RTL4: variants seen among roughly 807,000 people sequenced by gnomAD.
RTL4 encodes retrotransposon Gag like 4, also known as retrotransposon Gag-like protein 4.
RTL4 carries 4 observed loss-of-function variants against 5.3 expected under a neutral mutation model. The ratio of observed to expected loss-of-function variants is 0.75; its 90% confidence interval spans 0.37 to 1.72. The LOEUF is 1.72. RTL4 is among the 40% of genes most tolerant of loss of function. RTL4 has a pLI of 0.04. For synonymous variants in RTL4, 98 were observed against 87.3 expected, an observed-to-expected ratio of 1.12 and a Z score of -0.68; for missense variants, 260 against 227.1, an observed-to-expected ratio of 1.14 and a Z score of -0.93.
chrX:112,093,610 A>T, the RTL4 span, among the ~76,000 whole-genome samples: 1 of 112,015 alleles, frequency 8.9e-6, no homozygotes, highest in Non-Finnish European at 1.9e-5. Flanking sequence ...GCTATCATAG[A>T]CCTTATAATC....
At chrX:112,141,498 G>A in the RTL4 span, among the ~76,000 whole-genome samples, 5 of 111,903 alleles carry the variant, frequency 4.5e-5, no homozygotes, top group Non-Finnish European at 7.5e-5. Flanking sequence ...TCACTATTAA[G>A]TATGATGGTA....
chrX:112,436,756 C>T, the RTL4 span, among the ~76,000 whole-genome samples: 2 of 110,733 alleles, frequency 1.8e-5, no homozygotes, highest in Non-Finnish European at 3.8e-5. Context: ...AACCCAAAGC[C>T]TGTTGTTCAC....
At chrX:112,221,222 T>C in the RTL4 span, among the ~76,000 whole-genome samples, 2 of 111,440 alleles carry the variant, frequency 1.8e-5, no homozygotes, top group African/African-American at 6.5e-5. Context: ...GAAAATTACC[T>C]TATAAAACCA....
the RTL4 span, among the ~76,000 whole-genome samples, chrX:112,243,644 C>T: frequency 1.8e-5 from 2 of 111,436 alleles, no homozygotes; most frequent in East Asian, 2.8e-4. Flanking sequence ...TTTCAAAAAA[C>T]CAGCTCCTGG....
chrX:112,117,637 T>C, the RTL4 span, among the ~76,000 whole-genome samples: 18,673 of 110,755 alleles, frequency 0.17, 2,443 homozygotes, highest in African/African-American at 0.44. Context: ...GATAAATGTA[T>C]TTTTTTAAAA....
At chrX:112,448,002 A>C in the RTL4 span, among the ~76,000 whole-genome samples, 1 of 111,724 alleles carries the variant, frequency 9.0e-6, no homozygotes, top group East Asian at 2.8e-4. Flanking sequence ...CACCTTGACC[A>C]GGGGCACAGA....
the RTL4 span, among the ~76,000 whole-genome samples, chrX:112,087,455 CAACTGCAGATCATGTTT>C: frequency 9.1e-6 from 1 of 110,050 alleles, no homozygotes; most frequent in Non-Finnish European, 1.9e-5. Context: ...AAAATCACCC[CAACTGCAGATCATGTTT>C]TATAAAATCT....
the RTL4 span, among the ~76,000 whole-genome samples, chrX:112,230,513 C>A: frequency 8.9e-6 from 1 of 112,238 alleles, no homozygotes; most frequent in Non-Finnish European, 1.9e-5. Context: ...TCGGCTCATG[C>A]ACGGTGCACT....
the RTL4 span, among the ~76,000 whole-genome samples, chrX:112,427,027 A>G: frequency 9.0e-6 from 1 of 111,557 alleles, no homozygotes; most frequent in Non-Finnish European, 1.9e-5. Flanking sequence ...AAGAAATTAT[A>G]CCAATTCTCT....
At chrX:112,430,888 C>A in the RTL4 span, among the ~76,000 whole-genome samples, 1 of 112,324 alleles carries the variant, frequency 8.9e-6, no homozygotes, top group Admixed American at 9.4e-5. Flanking sequence ...CCACCATGCC[C>A]ATATCTTTTA....
the RTL4 span, among the ~76,000 whole-genome samples, chrX:112,148,149 C>T: frequency 9.1e-6 from 1 of 110,172 alleles, no homozygotes; most frequent in Non-Finnish European, 1.9e-5. Flanking sequence ...TGACAGATAT[C>T]ACAGGATCTT....
the RTL4 span, among the ~76,000 whole-genome samples, chrX:112,410,673 T>G: frequency 6.3e-5 from 7 of 111,461 alleles, no homozygotes; most frequent in African/African-American, 1.6e-4. Flanking sequence ...ATTTAAAAAT[T>G]TATTGAAACA....
At chrX:112,122,844 T>G in the RTL4 span, among the ~76,000 whole-genome samples, 1 of 111,766 alleles carries the variant, frequency 8.9e-6, no homozygotes, top group Non-Finnish European at 1.9e-5. Flanking sequence ...GTATGACACC[T>G]TATTTTCTAG....
chrX:112,455,035 C>T, exon 1 of RTL4: 2 of 1,211,608 alleles, frequency 1.7e-6, no homozygotes, highest in Non-Finnish European at 2.2e-6. Flanking sequence ...TTTTGATTAC[C>T]TATCTCAGCA....
chrX:112,233,526 A>G, the RTL4 span, among the ~76,000 whole-genome samples: 1 of 111,400 alleles, frequency 9.0e-6, no homozygotes, highest in Non-Finnish European at 1.9e-5. Flanking sequence ...TGTTACTGAA[A>G]AAAGAGCAGC....
chrX:112,382,353 A>G, the RTL4 span: 2 of 447,897 alleles, frequency 4.5e-6, no homozygotes, highest in Non-Finnish European at 7.6e-6. Context: ...GTTGGAGTGA[A>G]GGATTAGATG....
the RTL4 span, among the ~76,000 whole-genome samples, chrX:112,186,938 CAGT>C: frequency 1.8e-5 from 2 of 111,891 alleles, no homozygotes; most frequent in African/African-American, 6.5e-5. Context: ...CAATTGGAGA[CAGT>C]GGTGGTGAAT....
the RTL4 span, among the ~76,000 whole-genome samples, chrX:112,221,422 C>T: frequency 0.012 from 1,368 of 111,345 alleles, 10 homozygotes; most frequent in Non-Finnish European, 0.02. Context: ...TTGGTATCAG[C>T]ATCAAGGTGC....
chrX:112,389,233 G>C, the RTL4 span, among the ~76,000 whole-genome samples: 1 of 108,631 alleles, frequency 9.2e-6, no homozygotes, highest in Non-Finnish European at 1.9e-5. Flanking sequence ...TGTGGGGTCA[G>C]TGGTAACATT....
Sources: allele counts gnomAD v4.1 joint callset (sites outside exome capture counted in the v4.1 genomes callset), GRCh38; gene constraint gnomAD v4.1.1; transcripts MANE v1.5; gene names NCBI Gene and HGNC (gene_info 2026-07-23, HGNC 2026-07-21).